Variants in OTUD7A observed in about 807,000 individuals in gnomAD.
OTUD7A encodes OTU deubiquitinase 7A, also known as OTU domain-containing protein 7A.
In OTUD7A, 12 loss-of-function variants were observed where a neutral mutation model predicts 65.7. That is an observed-to-expected ratio of 0.18 (90% CI 0.12 to 0.30). The LOEUF (loss-of-function observed/expected upper bound fraction) is 0.30. Ranked by LOEUF, OTUD7A falls within the 10% of genes least tolerant of loss-of-function variation. The pLI is 1.00. For missense variants in OTUD7A, 1,148 were observed against 1,304.8 expected (o/e 0.88, Z 1.85); for synonymous variants, 641 against 586.3 (o/e 1.09, Z -1.35).
rs556717018 is a variant in OTUD7A at position 31,796,941 on chromosome 15, C to T, written c.-100+73566G>A. Among the ~76,000 whole-genome samples the T allele has an allele frequency of 5.9e-5, 9 of 152,320 alleles. No homozygotes were observed. The South Asian group carries it at 1.7e-3, about 28-fold the overall frequency. ...TAGAGACATGGTTTCACCATGTTGG[C>T]CAGGCTGGTTTCGAACTCCTGACCC... On this transcript the variant is annotated intron_variant, in intron 1 of 12. Coordinates refer to ENST00000307050, the MANE Select transcript of OTUD7A (RefSeq NM_001382637.1).
In OTUD7A at chr15:31,484,608, G is replaced by A. The variant is rs371211492; in HGVS notation, c.1488C>T (p.Asn496=). The A allele has an allele frequency of 3.7e-6, 6 of 1,602,886 alleles. No individual in the cohort carries two copies. The highest frequency in any genetic ancestry group is 5.1e-6 in the Non-Finnish European group (6 of 1,175,708). The stretch of plus-strand genomic sequence containing the variant: ...TCTCCTTGTCCTTGCCGTTCTTGCC[G>A]TTATTGCTGTTAGAATTGCTGCACA... ...DSVCSNSNSN[N]GKNGKDKEKE... The change falls in exon 13 of 13, where the codon AAC becomes AAT. Residue 496 remains asparagine, a synonymous_variant. Coordinates refer to ENST00000307050, the MANE Select transcript of OTUD7A (RefSeq NM_001382637.1). This position sits in a 1 kb window ranked among gnomAD's most constrained non-coding sequence, Gnocchi z 4.5.
chr15:31,767,368 G>C, intron 1 of OTUD7A: 1 of 776,464 alleles, frequency 1.3e-6, no homozygotes, highest in Non-Finnish European at 2.4e-6. Flanking sequence ...GGGAGATCTA[G>C]AAAATAATCT....
intron 8 of OTUD7A, among the ~76,000 whole-genome samples, chr15:31,508,804 A>T (rs761934841): frequency 2.0e-5 from 3 of 152,256 alleles, no homozygotes; most frequent in Non-Finnish European, 2.9e-5. Context: ...CCCCATGGTG[A>T]CGTCTTCTGC....
At chr15:31,501,968 A>G (rs2041475053) in intron 9 of OTUD7A, 129 bp from the exon 10 acceptor site, 2 of 1,059,072 alleles carry the variant, frequency 1.9e-6, no homozygotes, top group Non-Finnish European at 2.7e-6. Flanking sequence ...GGAGGGGTGG[A>G]TGGAGGCGGT....
intron 1 of OTUD7A, among the ~76,000 whole-genome samples, chr15:31,718,763 G>A (rs7167887): frequency 0.65 from 89,188 of 137,446 alleles, 30,389 homozygotes; most frequent in South Asian, 0.77. Flanking sequence ...TGACTCCATT[G>A]TTATCATGGA....
chr15:31,599,120 G>C (rs1566937562), intron 3 of OTUD7A, among the ~76,000 whole-genome samples: 1 of 152,250 alleles, frequency 6.6e-6, no homozygotes, highest in Admixed American at 6.5e-5. Flanking sequence ...GCTCTGAAGA[G>C]AGCAGTGGAC....
intron 1 of OTUD7A, among the ~76,000 whole-genome samples, chr15:31,826,952 A>C (rs1204963628): frequency 6.6e-6 from 1 of 152,218 alleles, no homozygotes; most frequent in Non-Finnish European, 1.5e-5. Context: ...CTTATTGTCC[A>C]TATCACTATC....
At chr15:31,732,007 G>A (rs980847550) in intron 1 of OTUD7A, among the ~76,000 whole-genome samples, 1 of 152,278 alleles carries the variant, frequency 6.6e-6, no homozygotes, top group East Asian at 1.9e-4. Context: ...ATGCCAACCA[G>A]GAGGAGGGAG....
intron 10 of OTUD7A, among the ~76,000 whole-genome samples, chr15:31,493,802 C>T (rs148549292): frequency 1.3e-3 from 192 of 152,180 alleles, no homozygotes; most frequent in Non-Finnish European, 2.2e-3. Flanking sequence ...ATAGTTTGAA[C>T]GGAATGAAAA....
intron 4 of OTUD7A, 116 bp from the exon 5 acceptor site, chr15:31,559,303 GCA>G: frequency 1.0e-6 from 1 of 979,252 alleles, no homozygotes; most frequent in South Asian, 1.6e-5. Flanking sequence ...ACACATTCAT[GCA>G]CACAGACCAC....
intron 9 of OTUD7A, among the ~76,000 whole-genome samples, chr15:31,503,069 A>G (rs61361220): frequency 0.014 from 2,099 of 152,280 alleles, 54 homozygotes; most frequent in African/African-American, 0.049. Flanking sequence ...CGCTGGGGAC[A>G]TTGCCTAGCC....
chr15:31,828,064 G>A (rs1247573259), intron 1 of OTUD7A, among the ~76,000 whole-genome samples: 5 of 152,124 alleles, frequency 3.3e-5, no homozygotes. Context: ...TCTCTGTGAT[G>A]GCATCATTTT....
chr15:31,641,140 ATGAG>A (rs1891503244), intron 3 of OTUD7A, among the ~76,000 whole-genome samples: 1 of 150,256 alleles, frequency 6.7e-6, no homozygotes, highest in African/African-American at 2.5e-5. Context: ...CTTGTGAATA[ATGAG>A]TGAGTCTCAC....
Position 31,483,832 on chromosome 15 carries a change from C to T in OTUD7A, c.2264G>A (p.Gly755Asp). The T allele has an allele frequency of 3.0e-6, 3 of 987,542 alleles. No individual in the cohort carries two copies. Among genetic ancestry groups the T allele is most frequent in the Non-Finnish European group, 3.6e-6 (3 of 832,910 alleles). 61.2% of individuals were successfully genotyped at this position (987,542 alleles called of 1,614,324 possible). A position where few individuals can be genotyped will look rare whatever the true frequency, so the allele number is the denominator to read the frequency against. Residue 755 changes from glycine (G) to aspartate (D), a missense_variant, in exon 13 of 13, where the codon GGC (glycine) becomes GAC (aspartate). This residue lies in a region of OTUD7A where 842 missense variants were observed against 769.5 expected (regional missense o/e 1.09). Coordinates refer to ENST00000307050, the MANE Select transcript of OTUD7A (RefSeq NM_001382637.1). ...TCCGCTGGCGCTCGCACGCCGCGCG[C>T]CTCCCCCCGGGGAGGCCGTGCCGCC... ...AAGGTASPGGGARRASASGPV... is the reference protein window; with the variant it reads ...AAGGTASPGGDARRASASGPV...
At position 31,822,261 on chromosome 15, in the gene OTUD7A, C is replaced by T. The variant is rs114278716; in HGVS notation, c.-100+48246G>A. On this transcript the variant is annotated intron_variant, in intron 1 of 12. Transcript: ENST00000307050. ...AGACAGAAAATGGCATAGTGAGAAA[C>T]GGAGCCATGTAGGCAGACACAGGCA... Among the ~76,000 whole-genome samples the T allele has an allele frequency of 4.7e-3, 716 of 152,282 alleles. 7 individuals carry two copies. The highest frequency in any genetic ancestry group is 0.016 in the African/African-American group (650 of 41,564).
intron 3 of OTUD7A, among the ~76,000 whole-genome samples, chr15:31,613,217 T>A (rs887169019): frequency 1.8e-4 from 27 of 152,174 alleles, no homozygotes; most frequent in African/African-American, 2.4e-4. Context: ...GGAAAACCCC[T>A]TCTAGACATT....
intron 1 of OTUD7A, among the ~76,000 whole-genome samples, chr15:31,683,389 T>C (rs1376361894): frequency 6.6e-6 from 1 of 152,216 alleles, no homozygotes; most frequent in African/African-American, 2.4e-5. Flanking sequence ...ATCTAGTAAT[T>C]GTTTTCTTCT....
intron 1 of OTUD7A, among the ~76,000 whole-genome samples, chr15:31,802,277 T>C (rs1199903040): frequency 1.3e-5 from 2 of 151,996 alleles, no homozygotes; most frequent in Non-Finnish European, 2.9e-5. Context: ...GGGAGTCCAG[T>C]GGTCGAGGGC....
intron 1 of OTUD7A, among the ~76,000 whole-genome samples, chr15:31,840,196 G>A (rs931706878): frequency 1.3e-5 from 2 of 152,092 alleles, no homozygotes; most frequent in Non-Finnish European, 2.9e-5. Flanking sequence ...AAGGTGAGTG[G>A]ATCACCTGAG....
Sources: allele counts gnomAD v4.1 joint callset (sites outside exome capture counted in the v4.1 genomes callset), GRCh38; gene constraint gnomAD v4.1.1; regional missense constraint gnomAD v4.1.1; non-coding constraint Gnocchi (gnomAD v3.1); transcripts MANE v1.5; gene names NCBI Gene and HGNC (gene_info 2026-07-23, HGNC 2026-07-21).